Variants in LRRTM4 observed in about 807,000 individuals in gnomAD.
LRRTM4 encodes the protein leucine rich repeat transmembrane neuronal 4.
Under a neutral mutation model 47.6 loss-of-function variants are expected in LRRTM4, and 25 were observed. The observed-to-expected ratio is 0.53, with a 90% CI of 0.38 to 0.73. LRRTM4 has a LOEUF of 0.73. LRRTM4 is among the 30% of genes least tolerant of loss of function. The pLI is 0.00. For missense variants in LRRTM4, 638 were observed against 713.4 expected (o/e 0.89, Z 1.20); for synonymous variants, 311 against 269.5 (o/e 1.15, Z -1.51).
chr2:76,934,383 C>A (rs1038939040), intron 3 of LRRTM4, among the ~76,000 whole-genome samples: 3 of 151,984 alleles, frequency 2.0e-5, no homozygotes, highest in Non-Finnish European at 4.4e-5. Context: ...TAGATCCAGT[C>A]GTATATATGA....
chr2:77,366,326 G>T (rs948350116), intron 3 of LRRTM4, among the ~76,000 whole-genome samples: 1 of 151,706 alleles, frequency 6.6e-6, no homozygotes, highest in African/African-American at 2.4e-5. Context: ...ACACGTTTTT[G>T]TCCCTATTTT....
intron 3 of LRRTM4, among the ~76,000 whole-genome samples, chr2:77,370,434 A>G (rs771634931): frequency 2.0e-4 from 31 of 151,902 alleles, no homozygotes; most frequent in South Asian, 4.1e-4. Context: ...TTGATTTGAT[A>G]GTAATCTCAA....
chr2:77,404,017 A>T (rs186226178), intron 3 of LRRTM4, among the ~76,000 whole-genome samples: 107 of 152,100 alleles, frequency 7.0e-4, no homozygotes, highest in African/African-American at 2.4e-3. Flanking sequence ...GTACTTTATT[A>T]TTCTAGTTTT....
At chr2:76,824,298 T>G (rs906017899) in intron 3 of LRRTM4, among the ~76,000 whole-genome samples, 1 of 151,540 alleles carries the variant, frequency 6.6e-6, no homozygotes, top group Non-Finnish European at 1.5e-5. Flanking sequence ...TTTCGACTGG[T>G]TGTATAATTT....
intron 3 of LRRTM4, among the ~76,000 whole-genome samples, chr2:77,226,585 T>A (rs1445401557): frequency 6.7e-6 from 1 of 150,302 alleles, no homozygotes; most frequent in Admixed American, 6.7e-5. Flanking sequence ...CTAAAACAAT[T>A]ATTGCACTTA....
At chr2:76,889,400 G>T (rs893083658) in intron 3 of LRRTM4, among the ~76,000 whole-genome samples, 1 of 151,910 alleles carries the variant, frequency 6.6e-6, no homozygotes, top group African/African-American at 2.4e-5. Flanking sequence ...CAAATGAGAA[G>T]AGTTCTTTCT....
intron 3 of LRRTM4, among the ~76,000 whole-genome samples, chr2:76,957,743 G>T (rs1469840254): frequency 1.3e-5 from 2 of 151,534 alleles, no homozygotes; most frequent in African/African-American, 2.4e-5. Context: ...TATTAACAGG[G>T]TGTAAAAGCT....
At chr2:76,932,069 T>C (rs1316236989) in intron 3 of LRRTM4, among the ~76,000 whole-genome samples, 1 of 152,180 alleles carries the variant, frequency 6.6e-6, no homozygotes, top group Admixed American at 6.6e-5. Context: ...TCCCATCTTC[T>C]GCCCTTTCAA....
intron 3 of LRRTM4, among the ~76,000 whole-genome samples, chr2:76,776,199 A>G (rs965336964): frequency 6.6e-6 from 1 of 152,208 alleles, no homozygotes; most frequent in Admixed American, 6.5e-5. Context: ...GCTGTTGTGA[A>G]TAATGCCGCA....
At chr2:77,380,383 C>T (rs1038915006) in intron 3 of LRRTM4, among the ~76,000 whole-genome samples, 5 of 152,046 alleles carry the variant, frequency 3.3e-5, no homozygotes, top group Non-Finnish European at 7.4e-5. Flanking sequence ...AAATTTGACC[C>T]AGGAATTCAG....
chr2:77,161,793 C>T (rs1672736133), intron 3 of LRRTM4, among the ~76,000 whole-genome samples: 3 of 151,882 alleles, frequency 2.0e-5, no homozygotes, highest in Admixed American at 2.0e-4. Context: ...TTATTTTCTT[C>T]TTTAGTAAAA....
chr2:77,512,160 T>A (rs1355150508), intron 3 of LRRTM4, among the ~76,000 whole-genome samples: 2 of 152,174 alleles, frequency 1.3e-5, no homozygotes, highest in African/African-American at 2.4e-5. Context: ...TACGTTTGTT[T>A]AGATTTTAAT....
intron 3 of LRRTM4, among the ~76,000 whole-genome samples, chr2:76,790,576 A>G (rs56145703): frequency 2.0e-5 from 3 of 152,082 alleles, no homozygotes; most frequent in Admixed American, 2.0e-4. Context: ...AGTGTTTGAC[A>G]CATAGTAGCA....
Position 77,519,218 on chromosome 2 carries a change from A to C in LRRTM4, c.651T>G (p.Phe217Leu), listed in dbSNP as rs1202048404. 1 of 1,613,326 alleles carries C rather than the reference A, an allele frequency of 6.2e-7. No homozygotes were observed. Among genetic ancestry groups the C allele is most frequent in the Admixed American group, 1.7e-5 (1 of 59,878 alleles). The part of the protein sequence containing the change: ...LKELHLEHNQ[F>L]SKINFAHFPR... ...GAAAATGAGCAAAGTTGATCTTGGA[A>C]AACTGGTTGTGCTCCAGGTGGAGCT... The change falls in exon 3 of 4, where the codon TTT becomes TTG. Residue 217 changes from phenylalanine to leucine, a missense_variant. Coordinates refer to ENST00000409884, the MANE Select transcript of LRRTM4 (RefSeq NM_001134745.3). This position sits in a 1 kb window ranked among gnomAD's most constrained non-coding sequence, Gnocchi z 4.6.
chr2:77,387,522 A>G (rs1573347218), intron 3 of LRRTM4, among the ~76,000 whole-genome samples: 1 of 152,204 alleles, frequency 6.6e-6, no homozygotes, highest in African/African-American at 2.4e-5. Flanking sequence ...AATCCAGTAC[A>G]TGCACACCAT....
chr2:77,368,071 C>G (rs1187412384), intron 3 of LRRTM4, among the ~76,000 whole-genome samples: 1 of 151,184 alleles, frequency 6.6e-6, no homozygotes, highest in East Asian at 1.9e-4. Context: ...TTTCTTCTGC[C>G]TTAAACCTAG....
chr2:76,846,329 C>T (rs748796201), intron 3 of LRRTM4, among the ~76,000 whole-genome samples: 7 of 152,156 alleles, frequency 4.6e-5, no homozygotes, highest in Non-Finnish European at 1.0e-4. Flanking sequence ...TCCTCACTTT[C>T]TTCAAGTTGC....
intron 3 of LRRTM4, among the ~76,000 whole-genome samples, chr2:76,807,426 A>G (rs1248124981): frequency 2.7e-4 from 14 of 52,612 alleles, no homozygotes; most frequent in African/African-American, 4.5e-4. Flanking sequence ...ATATATATAC[A>G]TATATATATA....
chr2:76,773,140 T>A (rs955343514), intron 3 of LRRTM4: 47 of 152,346 alleles, frequency 3.1e-4, no homozygotes, highest in African/African-American at 1.0e-3. Flanking sequence ...CTGGGAGACA[T>A]CTCTTTGAAA....
Sources: gnomAD v4.1 joint callset for allele counts (sites outside exome capture counted in the v4.1 genomes callset) on GRCh38, gnomAD v4.1.1 for gene constraint, Gnocchi (gnomAD v3.1) non-coding constraint, MANE v1.5 for transcripts, NCBI Gene and HGNC (gene_info 2026-07-23, HGNC 2026-07-21) for gene names.